Variants in CNTN4 observed in about 807,000 individuals in gnomAD.
CNTN4 encodes contactin-4.
CNTN4 carries 77 observed loss-of-function variants against 122.5 expected under a neutral mutation model. The observed-to-expected ratio is 0.63, with a 90% CI of 0.52 to 0.76. CNTN4 has a LOEUF of 0.76. Ranked by LOEUF, CNTN4 falls within the 30% of genes least tolerant of loss-of-function variation. The pLI is 0.00. For synonymous variants in CNTN4, 512 were observed against 447.0 expected (o/e 1.15, Z -1.83); for missense variants, 1,256 against 1,259.1 (o/e 1.00, Z 0.04).
intron 3 of CNTN4, among the ~76,000 whole-genome samples, chr3:2,466,866 A>C (rs1318205414): frequency 6.6e-6 from 1 of 152,040 alleles, no homozygotes; most frequent in East Asian, 1.9e-4. Flanking sequence ...TTATTTAATC[A>C]TTGTAGAAAG....
At chr3:2,843,830 A>G (rs553623077) in intron 7 of CNTN4, among the ~76,000 whole-genome samples, 3 of 152,302 alleles carry the variant, frequency 2.0e-5, no homozygotes, top group African/African-American at 4.8e-5. Context: ...ACTCAGTCTC[A>G]GGTATTTCTT....
At chr3:3,051,860 C>T (rs1701307438) in intron 23 of CNTN4, among the ~76,000 whole-genome samples, 1 of 152,142 alleles carries the variant, frequency 6.6e-6, no homozygotes, top group Non-Finnish European at 1.5e-5. Flanking sequence ...ATGTCTGTAG[C>T]CTCAGCAGAT....
chr3:2,766,490 A>C (rs1181734033), intron 6 of CNTN4, among the ~76,000 whole-genome samples: 1 of 152,262 alleles, frequency 6.6e-6, no homozygotes, highest in East Asian at 1.9e-4. Context: ...GAAGTCACTC[A>C]GGAATGGAAA....
intron 3 of CNTN4, among the ~76,000 whole-genome samples, chr3:2,493,711 A>G (rs1034911842): frequency 6.6e-6 from 1 of 152,106 alleles, no homozygotes; most frequent in African/African-American, 2.4e-5. Flanking sequence ...AAAATACTGT[A>G]ATTGCTAACA....
At chr3:2,329,425 T>C (rs151247001) in intron 2 of CNTN4, among the ~76,000 whole-genome samples, 99 of 152,362 alleles carry the variant, frequency 6.5e-4, no homozygotes, top group African/African-American at 2.1e-3. Context: ...AGTTATCTAG[T>C]GCATATAGGA....
intron 4 of CNTN4, among the ~76,000 whole-genome samples, chr3:2,717,168 A>G (rs2149372029): frequency 6.6e-6 from 1 of 152,290 alleles, no homozygotes; most frequent in African/African-American, 2.4e-5. Flanking sequence ...CGCTTTGAAA[A>G]GCCTGGTTTA....
At chr3:2,130,297 G>A (rs1186385951) in intron 2 of CNTN4, among the ~76,000 whole-genome samples, 1 of 152,074 alleles carries the variant, frequency 6.6e-6, no homozygotes, top group East Asian at 1.9e-4. Context: ...ACCATTGAGG[G>A]CCAGAACTGA....
chr3:2,266,948 A>T (rs145259867), intron 2 of CNTN4, among the ~76,000 whole-genome samples: 30 of 152,284 alleles, frequency 2.0e-4, no homozygotes, highest in African/African-American at 7.0e-4. Flanking sequence ...ATGAGCAAAC[A>T]TTACTGTGAT....
At chr3:2,145,973 A>C (rs2035229413) in intron 2 of CNTN4, among the ~76,000 whole-genome samples, 1 of 150,958 alleles carries the variant, frequency 6.6e-6, no homozygotes, top group African/African-American at 2.4e-5. Flanking sequence ...TGAAGTTGGC[A>C]TTAGTTTTGT....
Position 2,675,489 on chromosome 3 carries a change from G to A in CNTN4, c.56-60726G>A, listed in dbSNP as rs143403155. 7.9e-5 allele frequency among the ~76,000 whole-genome samples: 12 copies of A among 152,222 alleles called. No individual in the cohort carries two copies. In the South Asian group the frequency reaches 1.9e-3, roughly 24 times the overall value. ...TACCCAATTTCCCTATTTTGATAGC[G>A]CTTATCACTATCTACAATTATCTTG... On this transcript the variant is annotated intron_variant, in intron 4 of 24. Transcript: ENST00000418658.
intron 3 of CNTN4, among the ~76,000 whole-genome samples, chr3:2,547,340 T>G (rs946499649): frequency 2.0e-5 from 3 of 152,012 alleles, no homozygotes; most frequent in Non-Finnish European, 4.4e-5. Flanking sequence ...CTCTGCACAC[T>G]GCAACCTCTG....
chr3:2,592,893 A>G (rs777764327), intron 4 of CNTN4, among the ~76,000 whole-genome samples: 1 of 152,234 alleles, frequency 6.6e-6, no homozygotes, highest in Non-Finnish European at 1.5e-5. Flanking sequence ...TTGGTATACA[A>G]CAAAACAGAA....
At chr3:2,291,388 AT>A (rs2042128804) in intron 2 of CNTN4, among the ~76,000 whole-genome samples, 1 of 152,180 alleles carries the variant, frequency 6.6e-6, no homozygotes, top group Non-Finnish European at 1.5e-5. Context: ...AAAATGACAA[AT>A]AAATTTTGAC....
At chr3:2,262,448 T>C (rs552316409) in intron 2 of CNTN4, 28 of 152,294 alleles carry the variant, frequency 1.8e-4, no homozygotes, top group African/African-American at 6.0e-4. Context: ...AAACAGTCCA[T>C]GTAGGTTCTC....
intron 2 of CNTN4, among the ~76,000 whole-genome samples, chr3:2,315,827 TA>T (rs2043079293): frequency 6.6e-6 from 1 of 152,088 alleles, no homozygotes; most frequent in Non-Finnish European, 1.5e-5. Context: ...ATAAAACTTT[TA>T]AAAATTTGGC....
intron 3 of CNTN4, among the ~76,000 whole-genome samples, chr3:2,569,674 G>C (rs886921282): frequency 6.6e-6 from 1 of 152,016 alleles, no homozygotes; most frequent in Admixed American, 6.6e-5. Flanking sequence ...TTCAAAGAGA[G>C]GCTAGGTGGA....
At chr3:2,509,259 G>C (rs1209005576) in intron 3 of CNTN4, among the ~76,000 whole-genome samples, 1 of 152,134 alleles carries the variant, frequency 6.6e-6, no homozygotes, top group East Asian at 1.9e-4. Flanking sequence ...GAGCTGCGTG[G>C]AGTAGATCTG....
At chr3:2,632,085 CGTGT>C (rs530895055) in intron 4 of CNTN4, among the ~76,000 whole-genome samples, 6 of 150,140 alleles carry the variant, frequency 4.0e-5, no homozygotes, top group Admixed American at 1.3e-4. Flanking sequence ...CACACACACA[CGTGT>C]GTGTATGTAT....
At chr3:2,169,748 C>T (rs1027086288) in intron 2 of CNTN4, among the ~76,000 whole-genome samples, 35 of 152,208 alleles carry the variant, frequency 2.3e-4, no homozygotes, top group African/African-American at 8.2e-4. Context: ...GTGAATATAA[C>T]AATTCACTGT....
Sources: allele counts gnomAD v4.1 joint callset (sites outside exome capture counted in the v4.1 genomes callset), GRCh38; gene constraint gnomAD v4.1.1; transcripts MANE v1.5; gene names NCBI Gene and HGNC (gene_info 2026-07-23, HGNC 2026-07-21).